The following FBXO15 variants were observed in gnomAD, a reference collection of about 807,000 sequenced individuals.
FBXO15 encodes the protein F-box protein 15, also known as F-box only protein 15.
FBXO15 carries 30 observed loss-of-function variants against 49.5 expected under a neutral mutation model. That is an observed-to-expected ratio of 0.61 (90% CI 0.45 to 0.82). The LOEUF is 0.82. Ranked by LOEUF, FBXO15 falls within the 40% of genes least tolerant of loss-of-function variation. The pLI is 0.00. For missense variants in FBXO15, 591 were observed against 631.5 expected (o/e 0.94, Z 0.69); for synonymous variants, 250 against 232.7 (o/e 1.07, Z -0.68).
chr18:74,106,153 A>ATGTGTAATT (rs141974754), intron 8 of FBXO15, among the ~76,000 whole-genome samples: 6,691 of 152,228 alleles, frequency 0.044, 199 homozygotes, highest in East Asian at 0.12. Context: ...TCTGTAGGCT[A>ATGTGTAATT]TGTGTAATTT....
intron 8 of FBXO15, among the ~76,000 whole-genome samples, chr18:74,102,275 C>T: frequency 6.6e-6 from 1 of 151,692 alleles, no homozygotes; most frequent in East Asian, 1.9e-4. Context: ...AAAAACAATC[C>T]CATCAAAAAG....
At chr18:74,132,164 T>C (rs17800470) in intron 3 of FBXO15, among the ~76,000 whole-genome samples, 1,969 of 152,368 alleles carry the variant, frequency 0.013, 18 homozygotes, top group Non-Finnish European at 0.019. Flanking sequence ...AGCGGACAGA[T>C]GCAATGCGAT....
chr18:74,109,901 C>T (rs547427883), intron 8 of FBXO15, among the ~76,000 whole-genome samples: 1 of 151,960 alleles, frequency 6.6e-6, no homozygotes, highest in East Asian at 1.9e-4. Context: ...ATGAGTGCAG[C>T]AAACCAACAT....
chr18:74,129,670 T>C, intron 4 of FBXO15, 56 bp from the exon 5 acceptor site: 2 of 1,396,678 alleles, frequency 1.4e-6, no homozygotes, highest in Non-Finnish European at 2.0e-6. Context: ...AAAAAAATGC[T>C]AAAGGCAATT....
chr18:74,123,337 CA>C, intron 8 of FBXO15, 30 bp downstream of exon 8: 2 of 1,592,274 alleles, frequency 1.3e-6, no homozygotes, highest in Non-Finnish European at 1.7e-6. Context: ...CCTTTAATTT[CA>C]TAATGAAATA....
intron 1 of FBXO15, among the ~76,000 whole-genome samples, chr18:74,142,620 C>G (rs1249470913): frequency 6.6e-6 from 1 of 152,148 alleles, no homozygotes; most frequent in East Asian, 1.9e-4. Flanking sequence ...CCCATCTTCA[C>G]AGAGCAATCT....
chr18:74,106,386 C>A (rs1045379936), intron 8 of FBXO15, among the ~76,000 whole-genome samples: 2 of 151,926 alleles, frequency 1.3e-5, no homozygotes, highest in Non-Finnish European at 2.9e-5. Context: ...AGATTTTCAA[C>A]AAATGTAATG....
At chr18:74,095,289 T>C (rs760825534) in intron 8 of FBXO15, among the ~76,000 whole-genome samples, 18 of 152,266 alleles carry the variant, frequency 1.2e-4, no homozygotes, top group Non-Finnish European at 1.5e-5. Context: ...ACTTGGCTGT[T>C]TGGTGCAAGA....
chr18:74,079,601 G>GT (rs58213268), intron 9 of FBXO15, among the ~76,000 whole-genome samples: 34,125 of 151,874 alleles, frequency 0.22, 5,042 homozygotes, highest in African/African-American at 0.4. Flanking sequence ...TATCTTTTGA[G>GT]TTTTTTAAAA....
At chr18:74,118,069 C>T (rs1215611061) in intron 8 of FBXO15, among the ~76,000 whole-genome samples, 1 of 150,952 alleles carries the variant, frequency 6.6e-6, no homozygotes, top group Non-Finnish European at 1.5e-5. Context: ...TGCAGGGTCA[C>T]AATCATGTCT....
chr18:74,129,749 A>G (rs941154193), intron 4 of FBXO15, 135 bp from the exon 5 acceptor site: 1 of 703,778 alleles, frequency 1.4e-6, no homozygotes, highest in Non-Finnish European at 2.3e-6. Context: ...TGTGCCCAGT[A>G]TAATTTTCAC....
intron 1 of FBXO15, among the ~76,000 whole-genome samples, chr18:74,146,432 C>T (rs1168949129): frequency 6.6e-6 from 1 of 152,144 alleles, no homozygotes; most frequent in African/African-American, 2.4e-5. Context: ...TTATATCAAT[C>T]CAGGAAGTTC....
intron 3 of FBXO15, among the ~76,000 whole-genome samples, chr18:74,131,467 G>A (rs970702496): frequency 6.6e-6 from 1 of 152,162 alleles, no homozygotes; most frequent in African/African-American, 2.4e-5. Context: ...AAAGAAATGG[G>A]TCAAAGAAAC....
At chr18:74,086,435 T>C (rs1912740427) in intron 8 of FBXO15, among the ~76,000 whole-genome samples, 2 of 152,184 alleles carry the variant, frequency 1.3e-5, no homozygotes, top group African/African-American at 2.4e-5. Flanking sequence ...GCGTTTTGTT[T>C]TGTTTTGTTT....
chr18:74,127,240 C>A (rs1326099920), intron 5 of FBXO15, among the ~76,000 whole-genome samples: 2 of 151,968 alleles, frequency 1.3e-5, no homozygotes, highest in Non-Finnish European at 2.9e-5. Context: ...ACCTTCTTCT[C>A]TGAAAATCTG....
At chr18:74,117,719 G>C (rs1042474921) in intron 8 of FBXO15, among the ~76,000 whole-genome samples, 1 of 152,088 alleles carries the variant, frequency 6.6e-6, no homozygotes, top group Non-Finnish European at 1.5e-5. Flanking sequence ...GAAATAACAC[G>C]AAACATTTAG....
Position 74,075,204 on chromosome 18 carries a change from T to C in FBXO15, c.1264-1474A>G, listed in dbSNP as rs1424558159. 6.6e-6 allele frequency among the ~76,000 whole-genome samples: 1 copy of C among 152,144 alleles called. No homozygotes were observed. Among genetic ancestry groups the C allele is most frequent in the Non-Finnish European group, 1.5e-5 (1 of 67,998 alleles). On this transcript the variant is annotated intron_variant, in intron 9 of 9. Coordinates refer to ENST00000419743, the MANE Select transcript of FBXO15 (RefSeq NM_001142958.2). This position sits in a 1 kb window ranked among gnomAD's most constrained non-coding sequence, Gnocchi z 4.1. Reference sequence around the variant, plus strand: ...TCCCCTCCCTCAGCCCTCTGCATCCTGCTAGGAGGGTGATCTCTGCAGAGA... The same window carrying C: ...TCCCCTCCCTCAGCCCTCTGCATCCCGCTAGGAGGGTGATCTCTGCAGAGA...
At chr18:74,092,476 G>A (rs556381139) in intron 8 of FBXO15, among the ~76,000 whole-genome samples, 1 of 152,210 alleles carries the variant, frequency 6.6e-6, no homozygotes, top group Non-Finnish European at 1.5e-5. Context: ...CAGAGTTCTT[G>A]CAATGGTTCT....
chr18:74,125,879 T>C, intron 6 of FBXO15, 96 bp downstream of exon 6: 3 of 1,507,576 alleles, frequency 2.0e-6, no homozygotes, highest in Non-Finnish European at 2.7e-6. Context: ...AGTGAAAAGC[T>C]TAAAGGATTT....
Sources: gnomAD v4.1 joint callset for allele counts (sites outside exome capture counted in the v4.1 genomes callset) on GRCh38, gnomAD v4.1.1 for gene constraint, Gnocchi (gnomAD v3.1) non-coding constraint, MANE v1.5 for transcripts, NCBI Gene and HGNC (gene_info 2026-07-23, HGNC 2026-07-21) for gene names.